The following TTC12 variants were observed in gnomAD, a reference collection of about 807,000 sequenced individuals.
TTC12 encodes the protein tetratricopeptide repeat protein 12.
In TTC12, 70 loss-of-function variants were observed where a neutral mutation model predicts 90.1. The ratio of observed to expected loss-of-function variants is 0.78; its 90% CI spans 0.64 to 0.95. The LOEUF is 0.95. Among genes scored for constraint, TTC12 ranks in the 40% least tolerant of loss-of-function variants. The pLI, the probability that TTC12 is intolerant of heterozygous loss-of-function variation, is 0.00. For missense variants in TTC12, 819 were observed against 846.1 expected (o/e 0.97, Z 0.40); for synonymous variants, 296 against 311.5 (o/e 0.95, Z 0.53).
chr11:113,323,585 G>T, intron 3 of TTC12, 134 bp downstream of exon 3: 2 of 582,762 alleles, frequency 3.4e-6, no homozygotes, highest in Non-Finnish European at 5.3e-6. Context: ...TTATAAGAAA[G>T]TATAAAATTT....
At position 113,363,881 on chromosome 11, in the gene TTC12, G is replaced by A. The variant is rs34940277; in HGVS notation, c.1770G>A (p.Thr590=). 1.6e-3 allele frequency: 2,563 copies of A among 1,613,866 alleles called. 9 individuals are homozygous for A. The highest frequency in any genetic ancestry group is 2.4e-3 in the South Asian group (219 of 91,068). The change falls in exon 20 of 22, where the codon ACG becomes ACA. Residue 590 remains threonine, a synonymous_variant. Coordinates refer to ENST00000529221, the MANE Select transcript of TTC12 (RefSeq NM_017868.4). ...CTATAAAGATACTAGCTATCTGCAC[G>A]AATAGTTATCATGAAGCTCGGGAAG... ...RYAIKILAIC[T]NSYHEAREEV...
chr11:113,368,316 G>A (rs766188746), downstream of TTC12: 16 of 1,541,682 alleles, frequency 1.0e-5, no homozygotes, highest in South Asian at 6.0e-5. Flanking sequence ...ATCCACCCCC[G>A]CCACCGCCCC....
At chr11:113,325,946 C>G (rs928743630) in intron 6 of TTC12, among the ~76,000 whole-genome samples, 2 of 152,076 alleles carry the variant, frequency 1.3e-5, no homozygotes, top group African/African-American at 4.8e-5. Flanking sequence ...TGCACTTGTC[C>G]CTGTGGATAA....
chr11:113,337,132 A>C (rs574801551), intron 8 of TTC12, among the ~76,000 whole-genome samples: 37 of 152,352 alleles, frequency 2.4e-4, no homozygotes, highest in Middle Eastern at 3.4e-3. Flanking sequence ...AGAAAATGTT[A>C]ATCTTTCCCT....
At chr11:113,338,112 C>T (rs1436299342) in intron 8 of TTC12, among the ~76,000 whole-genome samples, 2 of 151,978 alleles carry the variant, frequency 1.3e-5, no homozygotes, top group African/African-American at 4.8e-5. Context: ...TGAGCGTTTT[C>T]TCTAGGTGAC....
At position 113,363,900 on chromosome 11, in the gene TTC12, C is replaced by T. The variant is rs200667443; in HGVS notation, c.1789C>T (p.Arg597Trp). The part of the protein sequence containing the change: ...AICTNSYHEA[R>W]EEVIRLDKKL... ...CTGCACGAATAGTTATCATGAAGCT[C>T]GGGAAGAAGTAATAAGACTGGATAA... is the stretch of plus-strand genomic sequence containing the variant. Residue 597 changes from arginine (R) to tryptophan (W), a missense_variant, in exon 20 of 22, where the codon CGG becomes TGG. Arg to Trp is a moderately radical substitution (Grantham distance 101, BLOSUM62 -3). Coordinates refer to ENST00000529221, the MANE Select transcript of TTC12 (RefSeq NM_017868.4). 8 of 1,613,350 alleles carry T rather than the reference C, an allele frequency of 5.0e-6. No homozygotes were observed. Among genetic ancestry groups the T allele is most frequent in the African/African-American group, 2.7e-5 (2 of 74,898 alleles).
intron 3 of TTC12, 57 bp downstream of exon 3, chr11:113,323,508 A>G: frequency 2.4e-6 from 3 of 1,233,196 alleles, no homozygotes; most frequent in Non-Finnish European, 3.2e-6. Flanking sequence ...ACCTACACCT[A>G]GGCAGTAGTT....
intron 5 of TTC12, 136 bp from the exon 6 acceptor site, chr11:113,325,388 A>T (rs1947620975): frequency 1.0e-6 from 1 of 1,003,404 alleles, no homozygotes; most frequent in Non-Finnish European, 1.4e-6. Flanking sequence ...TCTGCAGAAA[A>T]AAACAAGTGT....
chr11:113,314,621 C>G lies in TTC12; in HGVS notation c.-16+3C>G, dbSNP rs1411235640. On this transcript the variant is annotated splice_donor_region_variant and intron_variant, in intron 1 of 21. Transcript: ENST00000529221. Reference sequence around the variant, plus strand: ...CTGTCCAAAGCTGGGCGAATCAGGTCGGTGCCGCGGGGTACCCCGGAATCC... The same window carrying G: ...CTGTCCAAAGCTGGGCGAATCAGGTGGGTGCCGCGGGGTACCCCGGAATCC... 1 of 152,830 alleles carries G rather than the reference C, an allele frequency of 6.5e-6. No individual in the cohort carries two copies. The highest frequency in any genetic ancestry group is 2.4e-5 in the African/African-American group (1 of 41,464). The allele number at this position is 152,830 out of a possible 1,614,324, so 9.5% of individuals were successfully genotyped here.
downstream of TTC12, chr11:113,368,345 A>G: frequency 6.5e-7 from 1 of 1,547,728 alleles, no homozygotes; most frequent in Non-Finnish European, 8.7e-7. Context: ...TACCCCTAAC[A>G]CATGCTACCA....
Position 113,338,782 on chromosome 11 carries a change from G to C in TTC12, c.585G>C (p.Glu195Asp). ...LALKNYSVSR[E>D]CYKKILEINP... ...TTGTTTCTTTTTTCCAGTCTAGAGA[G>C]TGTTATAAGAAGATCTTAGAAATAA... Residue 195 changes from glutamate to aspartate, a missense_variant, in exon 9 of 22, where the codon GAG becomes GAC. By Grantham distance (45) the Glu-to-Asp change is conservative. Coordinates refer to ENST00000529221, the MANE Select transcript of TTC12 (RefSeq NM_017868.4). 6.2e-7 allele frequency: 1 copy of C among 1,613,804 alleles called. No homozygotes were observed. Among genetic ancestry groups the C allele is most frequent in the Non-Finnish European group, 8.5e-7 (1 of 1,179,740 alleles).
At chr11:113,366,203 T>A (rs1205972127) in intron 21 of TTC12, 22 bp from the exon 22 acceptor site, 27 of 1,611,178 alleles carry the variant, frequency 1.7e-5, no homozygotes, top group Admixed American at 3.3e-5. Context: ...ATGCCCTGGG[T>A]TGTTTGTTTT....
At chr11:113,348,140 T>A (rs1555148781) in intron 13 of TTC12, among the ~76,000 whole-genome samples, 1 of 152,218 alleles carries the variant, frequency 6.6e-6, no homozygotes, top group African/African-American at 2.4e-5. Flanking sequence ...AACGCCCTTC[T>A]GCCACTGGAC....
intron 8 of TTC12, among the ~76,000 whole-genome samples, chr11:113,336,361 C>T (rs574580946): frequency 7.2e-5 from 11 of 152,008 alleles, no homozygotes; most frequent in African/African-American, 1.2e-4. Flanking sequence ...ATGTTCTTTG[C>T]GGCACAAAAA....
At chr11:113,331,297 A>G (rs1555142505) in intron 7 of TTC12, among the ~76,000 whole-genome samples, 1 of 151,878 alleles carries the variant, frequency 6.6e-6, no homozygotes, top group African/African-American at 2.4e-5. Context: ...ATAATGGTTT[A>G]TTTTTCTACC....
intron 6 of TTC12, 77 bp downstream of exon 6, chr11:113,325,722 G>A: frequency 6.4e-7 from 1 of 1,573,398 alleles, no homozygotes; most frequent in South Asian, 1.2e-5. Flanking sequence ...CAAAGATGAG[G>A]CTAGATGTTG....
chr11:113,361,967 AAAG>A (rs1555155257), intron 18 of TTC12, among the ~76,000 whole-genome samples: 7 of 151,702 alleles, frequency 4.6e-5, no homozygotes, highest in Admixed American at 2.0e-4. Flanking sequence ...AAAAAAAAAA[AAAG>A]AAAGAAGAGC....
chr11:113,361,299 A>G (rs1381776328), intron 18 of TTC12, among the ~76,000 whole-genome samples: 3 of 152,246 alleles, frequency 2.0e-5, no homozygotes, highest in African/African-American at 7.2e-5. Flanking sequence ...TTGGGGGGGA[A>G]CAAAAAAAGT....
chr11:113,367,707 T>TGGTGACA (rs1306702998), downstream of TTC12, among the ~76,000 whole-genome samples: 5 of 106,928 alleles, frequency 4.7e-5, no homozygotes, highest in African/African-American at 2.0e-4. Context: ...GATAAATAAT[T>TGGTGACA]GGCATTTGGT....
Sources: gnomAD v4.1 joint callset for allele counts (sites outside exome capture counted in the v4.1 genomes callset) on GRCh38, gnomAD v4.1.1 for gene constraint, MANE v1.5 for transcripts, NCBI Gene and HGNC (gene_info 2026-07-23, HGNC 2026-07-21) for gene names.